Variants in PDAP1 observed in about 807,000 individuals in gnomAD.
PDAP1 encodes 28 kDa heat- and acid-stable phosphoprotein.
A neutral mutation model predicts 28.0 loss-of-function variants in PDAP1; 13 were observed. The observed-to-expected ratio is 0.46, with a 90% CI of 0.30 to 0.74. The LOEUF (loss-of-function observed/expected upper bound fraction) is 0.74. PDAP1 is among the 30% of genes least tolerant of loss of function. PDAP1 has a pLI of 0.07. For missense variants in PDAP1, 150 were observed against 230.0 expected (o/e 0.65, Z 2.25); for synonymous variants, 77 against 85.1 (o/e 0.91, Z 0.52).
Position 99,396,502 on chromosome 7 carries a change from GTC to G in PDAP1, c.*178_*179del, listed in dbSNP as rs1491098164. 2.1e-5 allele frequency: 7 copies of G among 328,478 alleles called. No homozygotes were observed. Among genetic ancestry groups the G allele is most frequent in the African/African-American group, 1.5e-4 (3 of 19,506 alleles). 20.3% of individuals were successfully genotyped at this position (328,478 alleles called of 1,614,324 possible). ...AAAGATAGCAGCTACCCCTCCCCCA[GTC>G]CCCCCCCCCATCCCCCAAACAATTT... On this transcript the variant is annotated 3_prime_UTR_variant, in exon 6 of 6. Transcript: ENST00000350498.
rs779765406 is a variant in PDAP1 at position 99,397,961 on chromosome 7, C to A, written c.388G>T (p.Ala130Ser). 51 of 1,614,148 alleles carry A rather than the reference C, an allele frequency of 3.2e-5. No homozygotes were observed. Among genetic ancestry groups the A allele is most frequent in the Non-Finnish European group, 4.3e-5 (51 of 1,180,050 alleles). Residue 130 changes from alanine (A) to serine (S), a missense_variant, in exon 5 of 6, where the codon GCC becomes TCC. Physicochemically the swap from Ala to Ser is moderately conservative, Grantham distance 99 (BLOSUM62 1). Coordinates refer to ENST00000350498, the MANE Select transcript of PDAP1 (RefSeq NM_014891.7). Reference protein sequence around the residue: ...AKERYMKMHLAGKTEQAKADL... With the variant: ...AKERYMKMHLSGKTEQAKADL... The stretch of plus-strand genomic sequence containing the variant: ...GCCTTGGCTTGCTCTGTCTTCCCGG[C>A]CAAGTGCATTTTCATGTAACGCTCT...
At chr7:99,401,996 G>A (rs137881807) in intron 3 of PDAP1, among the ~76,000 whole-genome samples, 48 of 152,054 alleles carry the variant, frequency 3.2e-4, no homozygotes, top group African/African-American at 1.1e-3. Flanking sequence ...GAGGCTGGGC[G>A]CAGTGGCTCA....
intron 2 of PDAP1, 145 bp from the exon 3 acceptor site, chr7:99,403,650 C>A (rs1188721684): frequency 2.8e-6 from 2 of 705,342 alleles, no homozygotes; most frequent in Non-Finnish European, 5.2e-6. Context: ...CCTACTGTGA[C>A]CCTGGCCCCC....
chr7:99,399,953 C>T (rs997622817), intron 4 of PDAP1, among the ~76,000 whole-genome samples: 1 of 152,128 alleles, frequency 6.6e-6, no homozygotes, highest in Non-Finnish European at 1.5e-5. Context: ...CCCATGGCCA[C>T]GACATTACAG....
At chr7:99,405,603 C>T (rs1165680963) in intron 1 of PDAP1, among the ~76,000 whole-genome samples, 5 of 152,032 alleles carry the variant, frequency 3.3e-5, no homozygotes, top group Admixed American at 3.3e-4. Context: ...ACCTCGTGAT[C>T]TGCCCACCTC....
intron 4 of PDAP1, among the ~76,000 whole-genome samples, chr7:99,398,979 G>A (rs1794812841): frequency 6.6e-6 from 1 of 152,230 alleles, no homozygotes; most frequent in South Asian, 2.1e-4. Context: ...TCCTTTTGAG[G>A]ATCTTCCCAA....
chr7:99,401,940 C>T (rs1794874878), intron 3 of PDAP1, among the ~76,000 whole-genome samples: 1 of 152,014 alleles, frequency 6.6e-6, no homozygotes, highest in Non-Finnish European at 1.5e-5. Flanking sequence ...TGTGATCCAC[C>T]CACCTTGGCT....
intron 3 of PDAP1, 70 bp from the exon 4 acceptor site, chr7:99,400,494 T>C: frequency 6.3e-7 from 1 of 1,578,788 alleles, no homozygotes. Context: ...ACTCCTGCCA[T>C]CTCTCAACAG....
intron 4 of PDAP1, among the ~76,000 whole-genome samples, chr7:99,398,876 C>T (rs1794811558): frequency 6.6e-6 from 1 of 152,204 alleles, no homozygotes. Context: ...CAGCCCCCAT[C>T]AGTAGGGAGA....
At position 99,408,564 on chromosome 7, in the gene PDAP1, T is replaced by TGCGGCGGCGGCGGCG. The variant is rs753335575; in HGVS notation, c.-31_-17dup. On this transcript the variant is annotated 5_prime_UTR_variant, in exon 1 of 6. Coordinates refer to ENST00000350498, the MANE Select transcript of PDAP1 (RefSeq NM_014891.7). ...CTTTAGGCATTGCGGCTCCGGCGGCTGCGGCGGCGGCGGCGGCGCCTCGAA... is the reference window on the plus strand; with the variant it reads ...CTTTAGGCATTGCGGCTCCGGCGGCTGCGGCGGCGGCGGCGGCGGCGGCGGCGGCGGCGCCTCGAA... 4.0e-6 allele frequency: 5 copies of TGCGGCGGCGGCGGCG among 1,264,496 alleles called. No individual in the cohort carries two copies. The highest frequency in any genetic ancestry group is 4.0e-6 in the Non-Finnish European group (4 of 1,002,326). 78.3% of individuals were successfully genotyped at this position (1,264,496 alleles called of 1,614,324 possible).
At chr7:99,403,611 G>A in intron 2 of PDAP1, 106 bp from the exon 3 acceptor site, 1 of 806,412 alleles carries the variant, frequency 1.2e-6, no homozygotes. Context: ...TCAAGCCTCT[G>A]GAAGGCTGGA....
chr7:99,399,794 T>G (rs1430148013), intron 4 of PDAP1, among the ~76,000 whole-genome samples: 1 of 152,214 alleles, frequency 6.6e-6, no homozygotes, highest in African/African-American at 2.4e-5. Flanking sequence ...GGCACTTCAG[T>G]ACATGATCTT....
At chr7:99,406,968 CTT>C (rs947056635) in intron 1 of PDAP1, among the ~76,000 whole-genome samples, 2 of 152,192 alleles carry the variant, frequency 1.3e-5, no homozygotes, top group Non-Finnish European at 2.9e-5. Flanking sequence ...TTCTTGCTCT[CTT>C]AATACACCAG....
At position 99,396,678 on chromosome 7, in the gene PDAP1, G is replaced by A. The variant is rs766734559; in HGVS notation, c.*4C>T. On this transcript the variant is annotated 3_prime_UTR_variant, in exon 6 of 6. Coordinates refer to ENST00000350498, the MANE Select transcript of PDAP1 (RefSeq NM_014891.7). ...TCCCCGGCATCTCCTCCCACGGGTC[G>A]CAGTTACTTATTCAGGGAGAGTGAC... 1.1e-5 allele frequency: 17 copies of A among 1,610,360 alleles called. No homozygotes were observed. The highest frequency in any genetic ancestry group is 3.3e-5 in the South Asian group (3 of 90,964).
intron 5 of PDAP1, 33 bp downstream of exon 5, chr7:99,397,829 G>C (rs1012909834): frequency 6.2e-7 from 1 of 1,606,606 alleles, no homozygotes; most frequent in African/African-American, 1.3e-5. Context: ...CCAGAGTTGG[G>C]GCCTGTCCCT....
chr7:99,398,529 T>C lies in PDAP1; in HGVS notation c.336-516A>G, dbSNP rs996275175. Among the ~76,000 whole-genome samples, 10 of 152,030 alleles carry C rather than the reference T, an allele frequency of 6.6e-5. No homozygotes were observed. The East Asian group carries it at 9.7e-4, about 15-fold the overall frequency. ...CAATATAGCAAGACTCTGTACAAAA[T>C]AGAAAATTTAAAAATTAGCCAGGTG... is the stretch of plus-strand genomic sequence containing the variant. On this transcript the variant is annotated intron_variant, in intron 4 of 5. Coordinates refer to ENST00000350498, the MANE Select transcript of PDAP1 (RefSeq NM_014891.7).
intron 5 of PDAP1, 93 bp downstream of exon 5, chr7:99,397,769 T>A (rs1433176631): frequency 1.3e-6 from 2 of 1,487,950 alleles, no homozygotes; most frequent in Non-Finnish European, 1.8e-6. Flanking sequence ...CACCTCATTG[T>A]CACCTCGCGG....
chr7:99,397,840 G>A, intron 5 of PDAP1, 22 bp downstream of exon 5: 1 of 1,610,384 alleles, frequency 6.2e-7, no homozygotes, highest in East Asian at 2.2e-5. Flanking sequence ...GCCTGTCCCT[G>A]CGTGCGCAGC....
chr7:99,396,514 A>AC lies in PDAP1; in HGVS notation c.*167_*168insG. ...TACCCCTCCCCCAGTCCCCCCCCCC[A>AC]TCCCCCAAACAATTTCTGTGCCAAG... is the stretch of plus-strand genomic sequence containing the variant. On this transcript the variant is annotated 3_prime_UTR_variant, in exon 6 of 6. Transcript: ENST00000350498. 1 of 212,300 alleles carries AC rather than the reference A, an allele frequency of 4.7e-6. No homozygotes were observed. The highest frequency in any genetic ancestry group is 1.0e-5 in the Non-Finnish European group (1 of 100,112). 13.2% of individuals were successfully genotyped at this position (212,300 alleles called of 1,614,324 possible).
Sources: gnomAD v4.1 joint callset for allele counts (sites outside exome capture counted in the v4.1 genomes callset) on GRCh38, gnomAD v4.1.1 for gene constraint, MANE v1.5 for transcripts, NCBI Gene and HGNC (gene_info 2026-07-23, HGNC 2026-07-21) for gene names.